PGPEP1: variants seen among roughly 807,000 people sequenced by gnomAD.
PGPEP1 encodes pyroglutamyl-peptidase 1.
PGPEP1 carries 15 observed loss-of-function variants against 24.1 expected under a neutral mutation model. The ratio of observed to expected loss-of-function variants is 0.62; its 90% CI spans 0.42 to 0.96. The LOEUF (loss-of-function observed/expected upper bound fraction) is 0.96, where lower values mean the gene tolerates loss of function less well. Ranked by LOEUF, PGPEP1 falls within the 40% of genes least tolerant of loss-of-function variation. The pLI is 0.00. For synonymous variants in PGPEP1, 122 were observed against 116.4 expected (o/e 1.05, Z -0.31); for missense variants, 242 against 273.4 (o/e 0.89, Z 0.81).
rs1021698236 is a variant in PGPEP1, at chr19:18,369,291, C to T, written c.*5708C>T. 8 of 152,456 alleles carry T rather than the reference C, an allele frequency of 5.2e-5. No homozygotes were observed. The highest frequency in any genetic ancestry group is 1.9e-4 in the African/African-American group (8 of 41,454). The allele number at this position is 152,456 out of a possible 1,614,324, so 9.4% of individuals were successfully genotyped here. On this transcript the variant is annotated 3_prime_UTR_variant, in exon 5 of 5. Transcript: ENST00000269919. ...AAACTGCTCCCCCTCCCCCAAATTC[C>T]CTTTCTCCTCCTGCTCTTTCTCCCC...
intron 2 of PGPEP1, among the ~76,000 whole-genome samples, chr19:18,346,581 G>GTC (rs912450348): frequency 1.8e-4 from 26 of 146,594 alleles, no homozygotes; most frequent in African/African-American, 4.8e-4. Flanking sequence ...TGTCTCTTCT[G>GTC]TCTCTCTCTC....
At chr19:18,359,470 GC>G (rs145500142) in intron 4 of PGPEP1, among the ~76,000 whole-genome samples, 2,815 of 149,390 alleles carry the variant, frequency 0.019, 92 homozygotes, top group African/African-American at 0.065. Context: ...TATGGCCTCT[GC>G]CCAGAACACC....
chr19:18,347,003 T>C, intron 2 of PGPEP1, among the ~76,000 whole-genome samples: 1 of 151,642 alleles, frequency 6.6e-6, no homozygotes, highest in Non-Finnish European at 1.5e-5. Context: ...TCTCTCTGGG[T>C]TTCTCTGTTC....
chr19:18,347,593 T>A (rs951764065), intron 2 of PGPEP1, among the ~76,000 whole-genome samples: 1 of 151,666 alleles, frequency 6.6e-6, no homozygotes, highest in South Asian at 2.1e-4. Flanking sequence ...TCTCTCCCCA[T>A]TTCTGTTTCT....
intron 2 of PGPEP1, 39 bp downstream of exon 2, chr19:18,342,950 T>C: frequency 6.6e-7 from 1 of 1,511,972 alleles, no homozygotes; most frequent in Non-Finnish European, 9.2e-7. Flanking sequence ...GGCTTGGAGC[T>C]GGGCACACCC....
chr19:18,360,293 C>A (rs142534625), intron 4 of PGPEP1, among the ~76,000 whole-genome samples: 1 of 152,110 alleles, frequency 6.6e-6, no homozygotes, highest in Non-Finnish European at 1.5e-5. Context: ...CAAAAGCCAC[C>A]GCACACCACT....
chr19:18,344,916 A>G (rs1319553043), intron 2 of PGPEP1, among the ~76,000 whole-genome samples: 2 of 152,132 alleles, frequency 1.3e-5, no homozygotes, highest in Non-Finnish European at 2.9e-5. Flanking sequence ...ATGGTGAAGG[A>G]TGGCAGCTTT....
Position 18,340,661 on chromosome 19 carries a change from G to A in PGPEP1, c.-21G>A, listed in dbSNP as rs1367409153. On this transcript the variant is annotated 5_prime_UTR_variant, in exon 1 of 5. Transcript: ENST00000269919. ...CGCCAGTCGCAACAGAAGCAGGTCC[G>A]AGGCACAGCCCGATCCCGCCATGGA... is the stretch of plus-strand genomic sequence containing the variant. 4.6e-6 allele frequency: 7 copies of A among 1,538,250 alleles called. No homozygotes were observed. The highest frequency in any genetic ancestry group is 6.1e-6 in the Non-Finnish European group (7 of 1,145,660).
At chr19:18,347,790 CGCCCA>C (rs1218519355) in intron 2 of PGPEP1, among the ~76,000 whole-genome samples, 1 of 152,026 alleles carries the variant, frequency 6.6e-6, no homozygotes, top group Non-Finnish European at 1.5e-5. Flanking sequence ...CACGCCACCA[CGCCCA>C]GCTAATTTTT....
intron 2 of PGPEP1, among the ~76,000 whole-genome samples, chr19:18,354,080 C>A (rs953056691): frequency 2.6e-5 from 4 of 151,982 alleles, no homozygotes; most frequent in Non-Finnish European, 5.9e-5. Flanking sequence ...ACTAAAAATA[C>A]AAAAATTAGC....
In PGPEP1 at chr19:18,369,553, CTGTGGCA is replaced by C. The variant is rs1971648496; in HGVS notation, c.*5972_*5978del. The C allele has an allele frequency of 6.6e-6, 1 of 152,192 alleles. No homozygotes were observed. Among genetic ancestry groups the C allele is most frequent in the Admixed American group, 6.5e-5 (1 of 15,268 alleles). The allele number at this position is 152,192 out of a possible 1,614,324, so 9.4% of individuals were successfully genotyped here. A position where few individuals can be genotyped will look rare whatever the true frequency, so the allele number is the denominator to read the frequency against. ...AATTAGGCTTTCTGCTTGCCAAGGC[CTGTGGCA>C]TCTGAGCCTGGCTGAGGGCCGGGCA... is the stretch of plus-strand genomic sequence containing the variant. On this transcript the variant is annotated 3_prime_UTR_variant, in exon 5 of 5. Transcript: ENST00000269919.
chr19:18,357,716 C>G, intron 4 of PGPEP1, 101 bp downstream of exon 4: 1 of 814,862 alleles, frequency 1.2e-6, no homozygotes, highest in Middle Eastern at 2.8e-4. Flanking sequence ...CTCTTTGGAC[C>G]AAGCACTCAG....
rs955953860 is a variant in PGPEP1 at position 18,345,000 on chromosome 19, T to G, written c.87+2089T>G. On this transcript the variant is annotated intron_variant, in intron 2 of 4. Coordinates refer to ENST00000269919, the MANE Select transcript of PGPEP1 (RefSeq NM_017712.4). ...CTCCAGACCTGCAGTTTCCACTTTT[T>G]GCTTTCTTTTTTTTCTGGAGACACA... is the stretch of plus-strand genomic sequence containing the variant. 2.0e-5 allele frequency among the ~76,000 whole-genome samples: 3 copies of G among 152,118 alleles called. No individual in the cohort carries two copies. The South Asian group carries it at 6.2e-4, about 32-fold the overall frequency.
At position 18,363,760 on chromosome 19, in the gene PGPEP1, G is replaced by A. The variant is rs761344159; in HGVS notation, c.*177G>A. On this transcript the variant is annotated 3_prime_UTR_variant, in exon 5 of 5. Coordinates refer to ENST00000269919, the MANE Select transcript of PGPEP1 (RefSeq NM_017712.4). ...TCTCTACAAAAGCTCCGGTTGATTC[G>A]AGGGAAGTGGTGAAAATTTTTTTTT... The A allele has an allele frequency of 3.2e-5, 16 of 507,674 alleles. No homozygotes were observed. The highest frequency in any genetic ancestry group is 1.4e-4 in the Admixed American group (4 of 29,322). The allele number at this position is 507,674 out of a possible 1,614,324, so 31.4% of individuals were successfully genotyped here.
intron 4 of PGPEP1, among the ~76,000 whole-genome samples, chr19:18,358,904 C>A (rs1333227672): frequency 1.3e-5 from 2 of 152,128 alleles, no homozygotes; most frequent in African/African-American, 2.4e-5. Context: ...GCATGAGCCA[C>A]CAAACGTGGC....
chr19:18,344,869 A>G (rs2112176), intron 2 of PGPEP1, among the ~76,000 whole-genome samples: 1 of 151,890 alleles, frequency 6.6e-6, no homozygotes, highest in African/African-American at 2.4e-5. Context: ...CAATTAAACA[A>G]TCTTTGGAAA....
At chr19:18,343,677 C>T (rs1192084965) in intron 2 of PGPEP1, among the ~76,000 whole-genome samples, 1 of 137,710 alleles carries the variant, frequency 7.3e-6, no homozygotes, top group African/African-American at 2.7e-5. Flanking sequence ...TAGGATCTCC[C>T]TCTTTTTTTT....
In PGPEP1 at chr19:18,353,485, C is replaced by T. The variant is rs542414068; in HGVS notation, c.88-2410C>T. 3.9e-5 allele frequency among the ~76,000 whole-genome samples: 6 copies of T among 152,306 alleles called. No individual in the cohort carries two copies. In the East Asian group the frequency reaches 1.2e-3, roughly 29 times the overall value. On this transcript the variant is annotated intron_variant, in intron 2 of 4. Coordinates refer to ENST00000269919, the MANE Select transcript of PGPEP1 (RefSeq NM_017712.4). ...TTGGCCTCCTAAAGCACTGGGATTACAGGCATGAGCCACTGTACCTGGCCA... is the reference window on the plus strand; with the variant it reads ...TTGGCCTCCTAAAGCACTGGGATTATAGGCATGAGCCACTGTACCTGGCCA...
chr19:18,363,544 G>T lies in PGPEP1; in HGVS notation c.591G>T (p.Glu197Asp), dbSNP rs759138974. ...TTGAGGAGATGTTGGACCTCCTGGA[G>T]CAGTCAGAGGGCAAAATCAACTATT... ...AIIEEMLDLL[E>D]QSEGKINYCH... Residue 197 changes from glutamate (E) to aspartate (D), a missense_variant, in exon 5 of 5, where the codon GAG (glutamate) becomes GAT (aspartate). Transcript: ENST00000269919. The T allele has an allele frequency of 6.2e-7, 1 of 1,614,058 alleles. No homozygotes were observed.
Sources: gnomAD v4.1 joint callset for allele counts (sites outside exome capture counted in the v4.1 genomes callset) on GRCh38, gnomAD v4.1.1 for gene constraint, MANE v1.5 for transcripts, NCBI Gene and HGNC (gene_info 2026-07-23, HGNC 2026-07-21) for gene names.